The following IRAK1BP1 variants were observed in gnomAD, a reference collection of about 807,000 sequenced individuals.
The protein encoded by IRAK1BP1 is interleukin 1 receptor associated kinase 1 binding protein 1.
A neutral mutation model predicts 28.0 loss-of-function variants in IRAK1BP1; 24 were observed. The observed-to-expected ratio is 0.86, with a 90% CI of 0.62 to 1.20. The LOEUF (loss-of-function observed/expected upper bound fraction) is 1.20, where lower values mean the gene tolerates loss of function less well. IRAK1BP1 is among the 50% of genes most tolerant of loss of function. The pLI is 0.00. For synonymous variants in IRAK1BP1, 131 were observed against 116.3 expected (o/e 1.13, Z -0.81); for missense variants, 336 against 316.7 (o/e 1.06, Z -0.46).
At chr6:78,978,292 A>G in the IRAK1BP1 span, among the ~76,000 whole-genome samples, 1 of 152,098 alleles carries the variant, frequency 6.6e-6, no homozygotes, top group Non-Finnish European at 1.5e-5. Context: ...AGATAAATGA[A>G]TATATTTTAA....
intron 4 of IRAK1BP1, among the ~76,000 whole-genome samples, chr6:78,922,143 T>C (rs1772752374): frequency 6.6e-6 from 1 of 152,170 alleles, no homozygotes; most frequent in South Asian, 2.1e-4. Flanking sequence ...AGGAGGAAGT[T>C]TGAACCCATG....
At chr6:78,922,985 A>C (rs1389463865) in intron 4 of IRAK1BP1, among the ~76,000 whole-genome samples, 1 of 152,336 alleles carries the variant, frequency 6.6e-6, no homozygotes, top group Admixed American at 6.5e-5. Context: ...AATTGTAAAG[A>C]CCATCGAGGC....
intron 1 of IRAK1BP1, chr6:78,872,180 A>C: frequency 1.4e-6 from 1 of 693,610 alleles, no homozygotes; most frequent in Admixed American, 2.1e-5. Context: ...GCAGGATTAA[A>C]TTTGAGCTGA....
downstream of IRAK1BP1, among the ~76,000 whole-genome samples, chr6:78,904,973 T>A (rs1301807604): frequency 2.0e-5 from 3 of 152,166 alleles, no homozygotes; most frequent in Non-Finnish European, 4.4e-5. Context: ...AAGAAATCAA[T>A]AGGAATATGC....
rs138634231 is a variant in IRAK1BP1 at position 78,890,535 on chromosome 6, G to A, written c.381+5092G>A. On this transcript the variant is annotated intron_variant, in intron 2 of 3. Transcript: ENST00000369940. ...TTTCCATATTCAGTGGACCCAGTGG[G>A]TGCCCAGCGCAATGAACAACAACAA... Among the ~76,000 whole-genome samples the A allele has an allele frequency of 4.3e-3, 648 of 152,182 alleles. 3 individuals carry two copies. The highest frequency in any genetic ancestry group is 0.015 in the African/African-American group (631 of 41,504).
chr6:78,917,955 G>A (rs1448308008), intron 4 of IRAK1BP1, among the ~76,000 whole-genome samples: 2 of 152,126 alleles, frequency 1.3e-5, no homozygotes, highest in African/African-American at 2.4e-5. Flanking sequence ...AATGATAACT[G>A]CTACCACAAA....
At chr6:78,897,176 C>G (rs991906916) in intron 2 of IRAK1BP1, among the ~76,000 whole-genome samples, 4 of 150,564 alleles carry the variant, frequency 2.7e-5, no homozygotes, top group Non-Finnish European at 5.9e-5. Flanking sequence ...TCGCTTGAAC[C>G]CAGGAGTTTG....
Position 78,898,424 on chromosome 6 carries a change from ATATATATATATATATATATATG to A in IRAK1BP1, c.*91_*112del. 1.3e-5 allele frequency: 2 copies of A among 158,130 alleles called. No homozygotes were observed. Among genetic ancestry groups the A allele is most frequent in the Non-Finnish European group, 2.5e-5 (2 of 80,100 alleles). The allele number at this position is 158,130 out of a possible 1,614,324, so 9.8% of individuals were successfully genotyped here. A position where few individuals can be genotyped will look rare whatever the true frequency, so the allele number is the denominator to read the frequency against. On this transcript the variant is annotated 3_prime_UTR_variant, in exon 4 of 4. Coordinates refer to ENST00000369940, the MANE Select transcript of IRAK1BP1 (RefSeq NM_001010844.4). ...ACGTTTGTCCTGAATATATATATAT[ATATATATATATATATATATATG>A]GTATAGGAGATAAGCTATTTCTTTC...
chr6:78,940,698 A>G (rs774801519), intron 4 of IRAK1BP1: 1 of 1,608,990 alleles, frequency 6.2e-7, no homozygotes, highest in South Asian at 1.1e-5. Context: ...ACAAGTTACC[A>G]ACCAATTAAA....
At chr6:78,886,343 T>C (rs1771432785) in intron 2 of IRAK1BP1, among the ~76,000 whole-genome samples, 1 of 152,162 alleles carries the variant, frequency 6.6e-6, no homozygotes, top group Non-Finnish European at 1.5e-5. Flanking sequence ...AATATTCTGT[T>C]TGTTGCCCCA....
intron 4 of IRAK1BP1, among the ~76,000 whole-genome samples, chr6:78,934,296 C>T (rs1773180303): frequency 1.3e-5 from 2 of 152,148 alleles, no homozygotes; most frequent in South Asian, 2.1e-4. Flanking sequence ...TTGGAAATAT[C>T]GCAATTACCA....
intron 4 of IRAK1BP1, among the ~76,000 whole-genome samples, chr6:78,921,324 T>C (rs74951604): frequency 1.3e-5 from 2 of 152,172 alleles, no homozygotes; most frequent in Non-Finnish European, 1.5e-5. Context: ...GCCTCACTCA[T>C]TGCTAGCAAA....
the IRAK1BP1 span, chr6:78,956,075 C>T: frequency 6.5e-6 from 1 of 153,138 alleles, no homozygotes; most frequent in African/African-American, 2.4e-5. Flanking sequence ...GCTTCACATA[C>T]TTGTGGTTTA....
chr6:78,960,078 T>A, the IRAK1BP1 span, among the ~76,000 whole-genome samples: 9 of 152,216 alleles, frequency 5.9e-5, no homozygotes, highest in East Asian at 1.4e-3. Context: ...CTCAGCATCA[T>A]GAAAGAGTAC....
intron 1 of IRAK1BP1, among the ~76,000 whole-genome samples, chr6:78,869,925 A>G (rs1269497013): frequency 6.6e-6 from 1 of 152,026 alleles, no homozygotes; most frequent in Non-Finnish European, 1.5e-5. Context: ...CCTGACCAAC[A>G]TGGTGAAATC....
At chr6:78,921,203 A>G (rs1374265149) in intron 4 of IRAK1BP1, among the ~76,000 whole-genome samples, 1 of 152,184 alleles carries the variant, frequency 6.6e-6, no homozygotes, top group Non-Finnish European at 1.5e-5. Flanking sequence ...GATGGCAACT[A>G]GAAAATCGGG....
the IRAK1BP1 span, among the ~76,000 whole-genome samples, chr6:78,967,930 C>G: frequency 1.3e-5 from 2 of 151,798 alleles, no homozygotes; most frequent in Non-Finnish European, 2.9e-5. Flanking sequence ...GTCAGGAGAT[C>G]AAGACCATCC....
At chr6:78,921,994 G>C (rs751211834) in intron 4 of IRAK1BP1, among the ~76,000 whole-genome samples, 1 of 152,146 alleles carries the variant, frequency 6.6e-6, no homozygotes, top group Non-Finnish European at 1.5e-5. Flanking sequence ...CAGAAAAACC[G>C]AAAATTCTAA....
chr6:78,925,921 A>G (rs1772875625), intron 4 of IRAK1BP1, among the ~76,000 whole-genome samples: 1 of 152,114 alleles, frequency 6.6e-6, no homozygotes, highest in Admixed American at 6.6e-5. Context: ...CCGTTATCCT[A>G]AGCAAATTAA....
Sources: allele counts gnomAD v4.1 joint callset (sites outside exome capture counted in the v4.1 genomes callset), GRCh38; gene constraint gnomAD v4.1.1; transcripts MANE v1.5; gene names NCBI Gene and HGNC (gene_info 2026-07-23, HGNC 2026-07-21).